WNT7B: variants seen among roughly 807,000 people sequenced by gnomAD.
WNT7B encodes protein Wnt-7b.
Under a neutral mutation model 38.2 loss-of-function variants are expected in WNT7B, and 19 were observed. The observed-to-expected ratio is 0.50, with a 90% confidence interval of 0.35 to 0.73. The LOEUF is 0.73. Ranked by LOEUF, WNT7B falls within the 30% of genes least tolerant of loss-of-function variation. The pLI, the probability that WNT7B is intolerant of heterozygous loss-of-function variation, is 0.01. For missense variants in WNT7B, 423 were observed against 507.9 expected (o/e 0.83, Z 1.61); for synonymous variants, 243 against 209.3 (o/e 1.16, Z -1.39).
At chr22:45,923,457 A>C in intron 3 of WNT7B, 122 bp from the exon 4 acceptor site, 1 of 1,390,486 alleles carries the variant, frequency 7.2e-7, no homozygotes, top group Non-Finnish European at 9.5e-7. Context: ...GTGTGACCAC[A>C]GGTGAGTGTC....
At position 45,931,622 on chromosome 22, in the gene WNT7B, C is replaced by A. The variant is rs561553671; in HGVS notation, c.299-253G>T. Among the ~76,000 whole-genome samples, 6 of 135,746 alleles carry A rather than the reference C, an allele frequency of 4.4e-5. No homozygotes were observed. The East Asian group carries it at 8.0e-4, about 18-fold the overall frequency. 89.1% of individuals were successfully genotyped at this position (135,746 alleles called of 152,430 possible). On this transcript the variant is annotated intron_variant, in intron 2 of 3. Coordinates refer to ENST00000339464, the MANE Select transcript of WNT7B (RefSeq NM_058238.3). The stretch of plus-strand genomic sequence containing the variant: ...CTGTGAGTGCCTGGTACACAGCAGG[C>A]CCCAGTGCACCCTGCGACTGCCCTC...
chr22:45,942,556 T>G (rs1412915112), intron 2 of WNT7B, among the ~76,000 whole-genome samples: 1 of 152,240 alleles, frequency 6.6e-6, no homozygotes, highest in Non-Finnish European at 1.5e-5. Context: ...AGCCCTCGCC[T>G]GCCTGGCCCT....
intron 2 of WNT7B, chr22:45,935,810 T>C (rs1420514951): frequency 1.0e-6 from 1 of 985,150 alleles, no homozygotes; most frequent in Non-Finnish European, 1.2e-6. Context: ...GGATTTGCAA[T>C]AGGCCCATGG....
intron 2 of WNT7B, among the ~76,000 whole-genome samples, chr22:45,942,988 ATG>A (rs1344058382): frequency 9.0e-5 from 13 of 143,880 alleles, no homozygotes; most frequent in Non-Finnish European, 1.5e-4. Flanking sequence ...TGCAGTGTGC[ATG>A]TGTGTAGGCG....
At chr22:45,943,300 A>T (rs1931712314) in intron 2 of WNT7B, among the ~76,000 whole-genome samples, 1 of 152,232 alleles carries the variant, frequency 6.6e-6, no homozygotes, top group Admixed American at 6.5e-5. Flanking sequence ...CCGTTGTCAT[A>T]AACAGATCAT....
intron 1 of WNT7B, among the ~76,000 whole-genome samples, chr22:45,960,415 G>C (rs1296604455): frequency 6.6e-6 from 1 of 152,134 alleles, no homozygotes; most frequent in Non-Finnish European, 1.5e-5. Flanking sequence ...GGGGTCCCCA[G>C]AATTGCCCAG....
rs376001184 is a variant in WNT7B, at chr22:45,949,953, C to T, written c.265G>A (p.Glu89Lys). The T allele has an allele frequency of 1.9e-5, 30 of 1,611,636 alleles. No individual in the cohort carries two copies. Among genetic ancestry groups the T allele is most frequent in the South Asian group, 6.6e-5 (6 of 91,050 alleles). The change falls in exon 2 of 4, where the codon GAG becomes AAG. Residue 89 changes from glutamate to lysine, a missense_variant. Transcript: ENST00000339464. ...AGCTCTTGCCCGAAGACGGTCTTCT[C>T]GCCGAGGGCAGAGCAGTTCCAGCGT... The part of the protein sequence containing the change: ...FGRWNCSALG[E>K]KTVFGQELRV...
chr22:45,964,120 G>A (rs1932257789), intron 1 of WNT7B, among the ~76,000 whole-genome samples: 1 of 151,968 alleles, frequency 6.6e-6, no homozygotes, highest in African/African-American at 2.4e-5. Flanking sequence ...TGTCCCACAG[G>A]TCCCCAGGCC....
rs1455092062 is a variant in WNT7B, at chr22:45,966,443, G to A, written c.71+10241C>T. Among the ~76,000 whole-genome samples, 2 of 152,224 alleles carry A rather than the reference G, an allele frequency of 1.3e-5. No homozygotes were observed. The highest frequency in any genetic ancestry group is 6.5e-5 in the Admixed American group (1 of 15,286). ...CCCATTCAGAGCTCCAACAGGGCACGGAAGGGTTGGAGCAGGGATCACAGT... is the reference window on the plus strand; with the variant it reads ...CCCATTCAGAGCTCCAACAGGGCACAGAAGGGTTGGAGCAGGGATCACAGT... On this transcript the variant is annotated intron_variant, in intron 1 of 3. Coordinates refer to ENST00000339464, the MANE Select transcript of WNT7B (RefSeq NM_058238.3). The surrounding 1 kb of genome is among the most constrained non-coding windows in gnomAD (Gnocchi z 4.2).
rs566330125 is a variant in WNT7B at position 45,953,463 on chromosome 22, G to A, written c.72-3317C>T. Among the ~76,000 whole-genome samples the A allele has an allele frequency of 3.3e-4, 50 of 152,326 alleles. 1 individual carries two copies. Among genetic ancestry groups the A allele is most frequent in the African/African-American group, 1.2e-3 (49 of 41,562 alleles). ...CCGGGCTGCCGGGTGTGGCCATCCC[G>A]AGTGTTTGTGGAATAGATAAATGAG... On this transcript the variant is annotated intron_variant, in intron 1 of 3. Transcript: ENST00000339464.
At position 45,966,363 on chromosome 22, in the gene WNT7B, G is replaced by A. The variant is rs539956364; in HGVS notation, c.71+10321C>T. ...CCCTGGCCACGCCAATACCCACTGC[G>A]CGGAGGCCAGCTGAGACACCACCAG... On this transcript the variant is annotated intron_variant, in intron 1 of 3. Transcript: ENST00000339464. The surrounding 1 kb of genome is among the most constrained non-coding windows in gnomAD (Gnocchi z 4.2). 4.6e-5 allele frequency among the ~76,000 whole-genome samples: 7 copies of A among 152,336 alleles called. No individual in the cohort carries two copies. The highest frequency in any genetic ancestry group is 2.1e-4 in the South Asian group (1 of 4,826).
intron 1 of WNT7B, among the ~76,000 whole-genome samples, chr22:45,959,860 C>T (rs1000798741): frequency 1.2e-4 from 18 of 152,274 alleles, no homozygotes; most frequent in Admixed American, 5.2e-4. Flanking sequence ...GGGGGAGACA[C>T]GAGATCTGAC....
intron 2 of WNT7B, among the ~76,000 whole-genome samples, chr22:45,943,353 G>A (rs1380055552): frequency 2.6e-5 from 4 of 152,260 alleles, no homozygotes; most frequent in Non-Finnish European, 4.4e-5. Context: ...GCGCCCGTGC[G>A]CCCGAGGCCT....
At chr22:45,949,411 C>T (rs952289003) in intron 2 of WNT7B, among the ~76,000 whole-genome samples, 1 of 151,012 alleles carries the variant, frequency 6.6e-6, no homozygotes, top group South Asian at 2.1e-4. Flanking sequence ...GTTCACTCGG[C>T]TCCCTCTACC....
At chr22:45,937,423 G>A (rs1229169086) in intron 2 of WNT7B, among the ~76,000 whole-genome samples, 1 of 152,230 alleles carries the variant, frequency 6.6e-6, no homozygotes, top group Non-Finnish European at 1.5e-5. Context: ...TGCAAAATGA[G>A]AGAATTGCTC....
rs558692054 is a variant in WNT7B at position 45,968,550 on chromosome 22, C to T, written c.71+8134G>A. On this transcript the variant is annotated intron_variant, in intron 1 of 3. Coordinates refer to ENST00000339464, the MANE Select transcript of WNT7B (RefSeq NM_058238.3). The stretch of plus-strand genomic sequence containing the variant: ...CACGGGAAACCATGTTAGAAAACGG[C>T]GCATTATCCTACAGGCCTCAGTGCA... Among the ~76,000 whole-genome samples the T allele has an allele frequency of 3.9e-5, 6 of 152,318 alleles. No homozygotes were observed. The East Asian group carries it at 5.8e-4, about 15-fold the overall frequency.
At chr22:45,931,523 G>A (rs962925717) in intron 2 of WNT7B, among the ~76,000 whole-genome samples, 154 bp from the exon 3 acceptor site, 1 of 152,214 alleles carries the variant, frequency 6.6e-6, no homozygotes, top group Non-Finnish European at 1.5e-5. Flanking sequence ...ACTCACCAAA[G>A]CGGGGCTGAT....
intron 2 of WNT7B, among the ~76,000 whole-genome samples, chr22:45,941,174 C>G (rs368467445): frequency 1.5e-4 from 23 of 152,110 alleles, no homozygotes; most frequent in African/African-American, 5.3e-4. Context: ...GTAGAGCTAA[C>G]GGGATTAGCA....
chr22:45,925,969 C>G (rs539029015), intron 3 of WNT7B: 3 of 985,262 alleles, frequency 3.0e-6, no homozygotes, highest in Non-Finnish European at 2.4e-6. Context: ...TATCCCTCCC[C>G]CTCCTCCCTC....
Sources: gnomAD v4.1 joint callset for allele counts (sites outside exome capture counted in the v4.1 genomes callset) on GRCh38, gnomAD v4.1.1 for gene constraint, Gnocchi (gnomAD v3.1) non-coding constraint, MANE v1.5 for transcripts, NCBI Gene and HGNC (gene_info 2026-07-23, HGNC 2026-07-21) for gene names.